TET3: variants seen among roughly 807,000 people sequenced by gnomAD.
TET3 encodes methylcytosine dioxygenase TET3.
In TET3, 19 loss-of-function variants were observed where a neutral mutation model predicts 141.4. That is an observed-to-expected ratio of 0.13 (90% CI 0.09 to 0.20). The LOEUF (loss-of-function observed/expected upper bound fraction) is 0.20, where lower values mean the gene tolerates loss of function less well. Among genes scored for constraint, TET3 ranks in the 10% least tolerant of loss-of-function variants. The pLI, the probability that TET3 is intolerant of heterozygous loss-of-function variation, is 1.00. For missense variants in TET3, 1,874 were observed against 2,356.9 expected (o/e 0.80, Z 4.24); for synonymous variants, 1,043 against 980.9 (o/e 1.06, Z -1.18).
At chr2:74,055,528 A>G (rs1421444523) in intron 4 of TET3, among the ~76,000 whole-genome samples, 6 of 152,196 alleles carry the variant, frequency 3.9e-5, no homozygotes, top group South Asian at 2.1e-4. Context: ...AGGAGGCATC[A>G]TGCTAGCAGT....
chr2:73,990,594 A>T (rs1209657889), intron 2 of TET3, among the ~76,000 whole-genome samples: 2 of 152,226 alleles, frequency 1.3e-5, no homozygotes, highest in Non-Finnish European at 2.9e-5. Flanking sequence ...AATGCATAGA[A>T]AAATGTATGC....
In TET3 at chr2:74,068,999, A is replaced by C. The variant is rs928897436; in HGVS notation, c.2495-4550A>C. 5.3e-5 allele frequency among the ~76,000 whole-genome samples: 8 copies of C among 152,206 alleles called. No individual in the cohort carries two copies. In the East Asian group the frequency reaches 1.5e-3, roughly 29 times the overall value. The stretch of plus-strand genomic sequence containing the variant: ...GCTTGACTTTCAGTAGTTATTACAA[A>C]GTTTTTCTTCAGTTGATTTATCAGG... On this transcript the variant is annotated intron_variant, in intron 4 of 11. Coordinates refer to ENST00000409262, the MANE Select transcript of TET3 (RefSeq NM_001287491.2).
At chr2:74,073,284 C>T (rs1175448578) in intron 4 of TET3, among the ~76,000 whole-genome samples, 1 of 152,174 alleles carries the variant, frequency 6.6e-6, no homozygotes, top group Non-Finnish European at 1.5e-5. Context: ...TCCCAAAGTG[C>T]TTAGATCACA....
intron 3 of TET3, among the ~76,000 whole-genome samples, chr2:74,022,480 G>GT (rs5832119): frequency 0.028 from 4,110 of 144,922 alleles, 93 homozygotes; most frequent in Middle Eastern, 0.066. Flanking sequence ...CGGCTGGAGG[G>GT]TTTTTTTTTG....
intron 3 of TET3, among the ~76,000 whole-genome samples, chr2:74,029,442 A>G (rs146003956): frequency 3.0e-4 from 46 of 152,362 alleles, no homozygotes; most frequent in Admixed American, 2.3e-3. Context: ...TGCTATATAC[A>G]TGCCAGAGAA....
chr2:74,105,678 C>G lies in TET3; in HGVS notation c.*3502C>G. The G allele has an allele frequency of 3.6e-6, 1 of 280,276 alleles. No homozygotes were observed. Among genetic ancestry groups the G allele is most frequent in the Non-Finnish European group, 6.2e-6 (1 of 160,216 alleles). The allele number at this position is 280,276 out of a possible 1,614,324, so 17.4% of individuals were successfully genotyped here. A position where few individuals can be genotyped will look rare whatever the true frequency, so the allele number is the denominator to read the frequency against. On this transcript the variant is annotated 3_prime_UTR_variant, in exon 12 of 12. Coordinates refer to ENST00000409262, the MANE Select transcript of TET3 (RefSeq NM_001287491.2). ...CTTTTGGGAACAGTAGTTTGCAGAG[C>G]AAGGGATTTTTAAAGCGCTAAAGCA...
At chr2:74,029,173 A>T (rs1307944447) in intron 3 of TET3, among the ~76,000 whole-genome samples, 3 of 152,194 alleles carry the variant, frequency 2.0e-5, no homozygotes, top group African/African-American at 7.2e-5. Flanking sequence ...CCCAAATAAG[A>T]TGAAGCCCTT....
intron 3 of TET3, among the ~76,000 whole-genome samples, chr2:74,017,278 A>G (rs1685778995): frequency 6.6e-6 from 1 of 152,190 alleles, no homozygotes; most frequent in African/African-American, 2.4e-5. Context: ...ACATACAACC[A>G]AACAATAAAT....
At chr2:74,019,602 A>G (rs1042902930) in intron 3 of TET3, among the ~76,000 whole-genome samples, 2 of 152,182 alleles carry the variant, frequency 1.3e-5, no homozygotes, top group Admixed American at 6.5e-5. Context: ...AGCATGCGGT[A>G]AATCCTTTTA....
intron 3 of TET3, among the ~76,000 whole-genome samples, chr2:74,015,926 G>A (rs567685737): frequency 4.4e-4 from 67 of 152,008 alleles, no homozygotes; most frequent in African/African-American, 1.5e-3. Flanking sequence ...GTTTTAAAAC[G>A]TTAGCCATTT....
chr2:74,073,894 T>A (rs894584621), intron 5 of TET3: 1 of 313,614 alleles, frequency 3.2e-6, no homozygotes, highest in Non-Finnish European at 5.9e-6. Flanking sequence ...TATGGCTCTA[T>A]GTCCTGTAGA....
At chr2:73,996,183 A>C (rs1684586818) in intron 2 of TET3, among the ~76,000 whole-genome samples, 1 of 152,218 alleles carries the variant, frequency 6.6e-6, no homozygotes, top group African/African-American at 2.4e-5. Context: ...GCGGGCCGGA[A>C]GACCAGGTCC....
At chr2:74,015,313 T>C (rs1685672073) in intron 3 of TET3, among the ~76,000 whole-genome samples, 1 of 152,204 alleles carries the variant, frequency 6.6e-6, no homozygotes, top group South Asian at 2.1e-4. Context: ...TTTTGAATTT[T>C]AAATGAGAAT....
At chr2:74,088,241 T>C (rs1490644997) in intron 7 of TET3, among the ~76,000 whole-genome samples, 1 of 152,194 alleles carries the variant, frequency 6.6e-6, no homozygotes, top group Non-Finnish European at 1.5e-5. Flanking sequence ...CCAGAGGGTC[T>C]ACTAGTTTGA....
At position 74,078,476 on chromosome 2, in the gene TET3, C is replaced by T. The variant is rs943946044; in HGVS notation, c.2586-2022C>T. ...TCCATGTCAGTACATACAATTCTAC[C>T]TAATCATTTTTGATGGGACATGGTT... On this transcript the variant is annotated intron_variant, in intron 5 of 11. Transcript: ENST00000409262. Among the ~76,000 whole-genome samples the T allele has an allele frequency of 2.6e-5, 4 of 152,132 alleles. No homozygotes were observed. In the East Asian group the frequency reaches 7.7e-4, roughly 29 times the overall value.
At chr2:74,045,838 A>G (rs987503917) in intron 3 of TET3, among the ~76,000 whole-genome samples, 4 of 152,240 alleles carry the variant, frequency 2.6e-5, no homozygotes, top group Non-Finnish European at 5.9e-5. Context: ...ACCCCTACGA[A>G]CCCACACTTC....
upstream of TET3, among the ~76,000 whole-genome samples, chr2:73,984,793 C>T (rs894587938): frequency 4.7e-5 from 7 of 149,124 alleles, no homozygotes; most frequent in Admixed American, 2.7e-4. The surrounding 1 kb of genome is among the most constrained non-coding windows in gnomAD (Gnocchi z 5.6). Flanking sequence ...AACCACCCCC[C>T]TCTCGCCCGG....
chr2:74,019,964 A>G (rs1186583550), intron 3 of TET3, among the ~76,000 whole-genome samples: 1 of 152,200 alleles, frequency 6.6e-6, no homozygotes, highest in African/African-American at 2.4e-5. Context: ...ACTTATCTGC[A>G]GCTTCCCTTA....
At chr2:74,022,359 CTT>C (rs1686096002) in intron 3 of TET3, among the ~76,000 whole-genome samples, 1 of 151,448 alleles carries the variant, frequency 6.6e-6, no homozygotes, top group East Asian at 1.9e-4. Flanking sequence ...GGTATTAACT[CTT>C]TATCATGCTT....
Sources: gnomAD v4.1 joint callset for allele counts (sites outside exome capture counted in the v4.1 genomes callset) on GRCh38, gnomAD v4.1.1 for gene constraint, Gnocchi (gnomAD v3.1) non-coding constraint, MANE v1.5 for transcripts, NCBI Gene and HGNC (gene_info 2026-07-23, HGNC 2026-07-21) for gene names.